The following TTLL2 variants were observed in gnomAD, a reference collection of about 807,000 sequenced individuals.
TTLL2 encodes the protein probable tubulin polyglutamylase TTLL2.
A neutral mutation model predicts 7.5 loss-of-function variants in TTLL2; 10 were observed. The observed-to-expected ratio is 1.33, with a 90% CI of 0.82 to 2.25. TTLL2 has a LOEUF of 2.25. Among genes scored for constraint, TTLL2 ranks in the 30% most tolerant of loss-of-function variants. TTLL2 has a pLI of 0.00. For synonymous variants in TTLL2, 284 were observed against 280.3 expected (o/e 1.01, Z -0.13); for missense variants, 733 against 735.7 (o/e 1.00, Z 0.04).
intron 1 of TTLL2, among the ~76,000 whole-genome samples, chr6:167,334,391 G>T (rs1343254320): frequency 6.7e-6 from 1 of 148,676 alleles, no homozygotes; most frequent in Admixed American, 6.6e-5. Flanking sequence ...AATAGGTGTG[G>T]TGTGGTGCTG....
chr6:167,340,351 A>C lies in TTLL2; in HGVS notation c.451A>C (p.Thr151Pro). The C allele has an allele frequency of 6.2e-7, 1 of 1,614,162 alleles. No individual in the cohort carries two copies. The highest frequency in any genetic ancestry group is 8.5e-7 in the Non-Finnish European group (1 of 1,180,030). Reference sequence around the variant, plus strand: ...GCAGCTAAACCACCACCCTGGAACCACCAAGCTTACCAGGAAAGACTGTTT... The same window carrying C: ...GCAGCTAAACCACCACCCTGGAACCCCCAAGCTTACCAGGAAAGACTGTTT... ...WQQLNHHPGT[T>P]KLTRKDCLAK... Residue 151 changes from threonine (T) to proline (P), a missense_variant, in exon 3 of 3, where the codon ACC becomes CCC. Thr to Pro is a conservative substitution (Grantham distance 38). Transcript: ENST00000239587.
At chr6:167,331,222 A>G (rs1361550056) in intron 1 of TTLL2, among the ~76,000 whole-genome samples, 1 of 152,190 alleles carries the variant, frequency 6.6e-6, no homozygotes, top group East Asian at 1.9e-4. Context: ...TAGCATATCT[A>G]TTGTCTCAAA....
chr6:167,327,768 T>C (rs1778864936), intron 1 of TTLL2, among the ~76,000 whole-genome samples: 1 of 152,148 alleles, frequency 6.6e-6, no homozygotes, highest in Non-Finnish European at 1.5e-5. Flanking sequence ...AGCAGGGAAA[T>C]GCTTTTGTAA....
rs2981978 is a variant in TTLL2 at position 167,341,945 on chromosome 6, A to G, written c.*266A>G. On this transcript the variant is annotated 3_prime_UTR_variant, in exon 3 of 3. Transcript: ENST00000239587. ...TACAAATACCACACAGCCTCCCACC[A>G]GTAATTGAATGTGCTACACTACGAT... 0.97 allele frequency: 414,331 copies of G among 425,796 alleles called. 201,656 individuals carry two copies. The highest frequency in any genetic ancestry group is 1 in the East Asian group (24,839 of 24,844). 26.4% of individuals were successfully genotyped at this position (425,796 alleles called of 1,614,324 possible). A position where few individuals can be genotyped will look rare whatever the true frequency, so the allele number is the denominator to read the frequency against.
intron 1 of TTLL2, among the ~76,000 whole-genome samples, chr6:167,326,268 T>C (rs1048137339): frequency 1.3e-5 from 2 of 152,164 alleles, no homozygotes; most frequent in African/African-American, 4.8e-5. Context: ...AAATAGTGCA[T>C]GATTTCTGGT....
intron 1 of TTLL2, among the ~76,000 whole-genome samples, chr6:167,335,701 C>T (rs1420742315): frequency 6.6e-6 from 1 of 151,658 alleles, no homozygotes; most frequent in African/African-American, 2.4e-5. Context: ...AACCATCATT[C>T]TCAGTAAACT....
rs1292154344 is a variant in TTLL2, at chr6:167,341,224, A to G, written c.1324A>G (p.Ser442Gly). 1 of 1,613,728 alleles carries G rather than the reference A, an allele frequency of 6.2e-7. No homozygotes were observed. The highest frequency in any genetic ancestry group is 1.6e-4 in the Middle Eastern group (1 of 6,062). The change falls in exon 3 of 3, where the codon AGT becomes GGT. Residue 442 changes from serine (S) to glycine (G), a missense_variant. Transcript: ENST00000239587. ...AAATTCCAACATCGACGCTGCAAAA[A>G]GTGACAGAGGTGGGCTTGATGCTCC... The part of the protein sequence containing the change: ...HGNSNIDAAK[S>G]DRGGLDAPDC...
In TTLL2 at chr6:167,337,599, C is replaced by T. The variant is rs558105165; in HGVS notation, c.48-1048C>T. On this transcript the variant is annotated intron_variant, in intron 1 of 2. Transcript: ENST00000239587. ...ACAACATTCAGTCTGCAGTCTGGCG[C>T]GGTGTCCCCACATTGGTTTGTGAAA... is the stretch of plus-strand genomic sequence containing the variant. Among the ~76,000 whole-genome samples the T allele has an allele frequency of 1.2e-4, 18 of 152,270 alleles. No individual in the cohort carries two copies. The South Asian group carries it at 2.5e-3, about 21-fold the overall frequency.
Position 167,341,212 on chromosome 6 carries a change from G to A in TTLL2, c.1312G>A (p.Asp438Asn), listed in dbSNP as rs748651103. Reference sequence around the variant, plus strand: ...TGCCACACATGGAAATTCCAACATCGACGCTGCAAAAAGTGACAGAGGTGG... The same window carrying A: ...TGCCACACATGGAAATTCCAACATCAACGCTGCAAAAAGTGACAGAGGTGG... ...SNATHGNSNI[D>N]AAKSDRGGLD... is the part of the protein sequence containing the mutation. The change falls in exon 3 of 3, where the codon GAC (aspartate) becomes AAC (asparagine). Residue 438 changes from aspartate to asparagine, a missense_variant. Coordinates refer to ENST00000239587, the MANE Select transcript of TTLL2 (RefSeq NM_031949.5). 19 of 1,613,424 alleles carry A rather than the reference G, an allele frequency of 1.2e-5. No individual in the cohort carries two copies. The highest frequency in any genetic ancestry group is 4.4e-5 in the South Asian group (4 of 91,050).
chr6:167,336,868 G>C (rs184390608), intron 1 of TTLL2, among the ~76,000 whole-genome samples: 1 of 152,338 alleles, frequency 6.6e-6, no homozygotes, highest in East Asian at 1.9e-4. Flanking sequence ...GAATTGGGAG[G>C]TGGAGCCATT....
Position 167,342,653 on chromosome 6 carries a change from T to C in TTLL2, c.*974T>C, listed in dbSNP as rs983733693. 6.6e-6 allele frequency among the ~76,000 whole-genome samples: 1 copy of C among 152,138 alleles called. No individual in the cohort carries two copies. Among genetic ancestry groups the C allele is most frequent in the African/African-American group, 2.4e-5 (1 of 41,422 alleles). Reference sequence around the variant, plus strand: ...ATCACTCATGGTACATTTTGTGTTATGTGTGTTTTACCACAATAAAAAAGT... The same window carrying C: ...ATCACTCATGGTACATTTTGTGTTACGTGTGTTTTACCACAATAAAAAAGT... On this transcript the variant is annotated 3_prime_UTR_variant, in exon 3 of 3. Transcript: ENST00000239587.
rs1346193308 is a variant in TTLL2 at position 167,341,609 on chromosome 6, C to G, written c.1709C>G (p.Ser570Cys). ...TTCAATGAAGCAACTCTCGGAGCTT[C>G]CAGGAATGGATTAAATGTCAAAAGA... is the stretch of plus-strand genomic sequence containing the variant. Reference protein sequence around the residue: ...FPFNEATLGASRNGLNVKRII... With the variant: ...FPFNEATLGACRNGLNVKRII... Residue 570 changes from serine (S) to cysteine (C), a missense_variant, in exon 3 of 3, where the codon TCC becomes TGC. Transcript: ENST00000239587. 1 of 1,614,044 alleles carries G rather than the reference C, an allele frequency of 6.2e-7. No individual in the cohort carries two copies. The highest frequency in any genetic ancestry group is 2.2e-5 in the East Asian group (1 of 44,898).
chr6:167,332,370 A>G (rs1778930056), intron 1 of TTLL2, among the ~76,000 whole-genome samples: 1 of 152,192 alleles, frequency 6.6e-6, no homozygotes, highest in Admixed American at 6.5e-5. Flanking sequence ...GTTAGCTGAC[A>G]GCTCACTGTG....
intron 1 of TTLL2, among the ~76,000 whole-genome samples, chr6:167,332,316 TTGG>T (rs1166398031): frequency 4.6e-5 from 7 of 152,182 alleles, no homozygotes; most frequent in Admixed American, 2.6e-4. Flanking sequence ...TAATCACTAC[TTGG>T]TGATTAGTAC....
intron 1 of TTLL2, among the ~76,000 whole-genome samples, chr6:167,331,703 C>T (rs1583108676): frequency 6.6e-6 from 1 of 152,130 alleles, no homozygotes; most frequent in Non-Finnish European, 1.5e-5. Flanking sequence ...GAAACCCCAA[C>T]TTAGGAGTAT....
intron 1 of TTLL2, among the ~76,000 whole-genome samples, chr6:167,336,716 T>A (rs1032751163): frequency 2.0e-5 from 3 of 152,078 alleles, no homozygotes; most frequent in Non-Finnish European, 4.4e-5. Flanking sequence ...CGTGCAGAAC[T>A]AAAAATTGCA....
intron 1 of TTLL2, among the ~76,000 whole-genome samples, chr6:167,329,799 ATTT>A (rs985263969): frequency 6.6e-6 from 1 of 152,156 alleles, no homozygotes; most frequent in Admixed American, 6.5e-5. Flanking sequence ...TCTTTCGTGA[ATTT>A]TATTATGCTA....
intron 1 of TTLL2, among the ~76,000 whole-genome samples, chr6:167,336,970 G>A (rs1778991252): frequency 1.3e-5 from 2 of 152,120 alleles, no homozygotes; most frequent in African/African-American, 4.8e-5. Flanking sequence ...GGCCAATCAG[G>A]CCACACCATG....
chr6:167,330,535 G>A (rs1778907540), intron 1 of TTLL2, among the ~76,000 whole-genome samples: 1 of 151,664 alleles, frequency 6.6e-6, no homozygotes, highest in South Asian at 2.1e-4. Flanking sequence ...CTCCAGCCTG[G>A]GGGACAAAAG....
Sources: allele counts gnomAD v4.1 joint callset (sites outside exome capture counted in the v4.1 genomes callset), GRCh38; gene constraint gnomAD v4.1.1; transcripts MANE v1.5; gene names NCBI Gene and HGNC (gene_info 2026-07-23, HGNC 2026-07-21).